TEKT1: variants seen among roughly 807,000 people sequenced by gnomAD.
The protein encoded by TEKT1 is tektin-1.
Under a neutral mutation model 34.8 loss-of-function variants are expected in TEKT1, and 32 were observed. The ratio of observed to expected loss-of-function variants is 0.92; its 90% CI spans 0.69 to 1.23. The LOEUF (loss-of-function observed/expected upper bound fraction) is 1.23, where lower values mean the gene tolerates loss of function less well. TEKT1 is among the 50% of genes most tolerant of loss of function. The pLI is 0.00. For missense variants in TEKT1, 492 were observed against 518.5 expected (o/e 0.95, Z 0.50); for synonymous variants, 207 against 199.8 (o/e 1.04, Z -0.30).
chr17:6,805,217 A>T (rs1976827250), intron 6 of TEKT1, among the ~76,000 whole-genome samples: 1 of 152,134 alleles, frequency 6.6e-6, no homozygotes, highest in African/African-American at 2.4e-5. Context: ...CGAGGAGTTT[A>T]TCCATGTCTT....
intron 2 of TEKT1, 70 bp from the exon 3 acceptor site, chr17:6,819,428 T>TG: frequency 6.7e-7 from 1 of 1,486,172 alleles, no homozygotes; most frequent in South Asian, 1.4e-5. Context: ...ATTAGAAACT[T>TG]GAAGACTGTT....
chr17:6,812,681 A>G (rs1389758083), intron 6 of TEKT1, 150 bp downstream of exon 6: 1 of 733,562 alleles, frequency 1.4e-6, no homozygotes, highest in Admixed American at 2.9e-5. Context: ...CCTGCTGCTA[A>G]GCTTGAGAGA....
Position 6,813,066 on chromosome 17 carries a change from T to C in TEKT1, c.630-13A>G, listed in dbSNP as rs8081510. ...CAGACTCACGGAGCTGAAACAGACC[T>C]CACGCTTTCATTCACAGCATATTTG... On this transcript the variant is annotated splice_polypyrimidine_tract_variant and intron_variant, in intron 5 of 7. Coordinates refer to ENST00000338694, the MANE Select transcript of TEKT1 (RefSeq NM_053285.2). 0.58 allele frequency: 925,971 copies of C among 1,606,272 alleles called. 268,422 individuals are homozygous for C. The highest frequency in any genetic ancestry group is 0.69 in the African/African-American group (51,533 of 74,860).
At chr17:6,819,049 G>T in intron 3 of TEKT1, 144 bp downstream of exon 3, 2 of 969,280 alleles carry the variant, frequency 2.1e-6, no homozygotes, top group Non-Finnish European at 1.5e-6. Context: ...CCAGCACCAG[G>T]GGCATGCTGG....
At position 6,800,952 on chromosome 17, in the gene TEKT1, A is replaced by G. The variant is rs907429109; in HGVS notation, c.853-9T>C. On this transcript the variant is annotated splice_polypyrimidine_tract_variant and intron_variant, in intron 6 of 7. Coordinates refer to ENST00000338694, the MANE Select transcript of TEKT1 (RefSeq NM_053285.2). ...GCAATCTCTTCCATGACCTTACAAA[A>G]AGGATTAGAGTAGGTGAGGCCAAGC... The G allele has an allele frequency of 6.2e-7, 1 of 1,610,144 alleles. No homozygotes were observed. The highest frequency in any genetic ancestry group is 8.5e-7 in the Non-Finnish European group (1 of 1,177,890).
intron 6 of TEKT1, among the ~76,000 whole-genome samples, chr17:6,802,419 T>G (rs1441037409): frequency 6.6e-6 from 1 of 151,728 alleles, no homozygotes; most frequent in African/African-American, 2.4e-5. Context: ...TTAAAATATT[T>G]GAATTATCTT....
intron 5 of TEKT1, chr17:6,814,896 T>G (rs1220444157): frequency 2.8e-6 from 1 of 359,042 alleles, no homozygotes; most frequent in Non-Finnish European, 5.0e-6. Flanking sequence ...ATTATTTTAC[T>G]TGTTAAAAAC....
chr17:6,823,426 CTGTG>C (rs1423360027), intron 2 of TEKT1, among the ~76,000 whole-genome samples: 2 of 152,052 alleles, frequency 1.3e-5, no homozygotes, highest in South Asian at 2.1e-4. Flanking sequence ...CTCTAACTCT[CTGTG>C]TGTGTGTATG....
intron 2 of TEKT1, among the ~76,000 whole-genome samples, chr17:6,821,419 A>C (rs1977088881): frequency 6.6e-6 from 1 of 152,124 alleles, no homozygotes. Context: ...GTTTTCTCTT[A>C]GCCTTCCACC....
At position 6,815,930 on chromosome 17, in the gene TEKT1, T is replaced by G; in HGVS notation, c.389A>C (p.Asp130Ala). 1 of 1,614,116 alleles carries G rather than the reference T, an allele frequency of 6.2e-7. No homozygotes were observed. The highest frequency in any genetic ancestry group is 8.5e-7 in the Non-Finnish European group (1 of 1,180,016). Reference sequence around the variant, plus strand: ...CTTTATCAGCTCATGCTCCACTGTGTCGTGCACCAGGTCAATGCCAATGCG... The same window carrying G: ...CTTTATCAGCTCATGCTCCACTGTGGCGTGCACCAGGTCAATGCCAATGCG... ...EKRIGIDLVH[D>A]TVEHELIKEA... is the part of the protein sequence containing the mutation. Residue 130 changes from aspartate to alanine, a missense_variant, in exon 4 of 8, where the codon GAC (aspartate) becomes GCC (alanine). Physicochemically the swap from Asp to Ala is moderately radical, Grantham distance 126. Transcript: ENST00000338694.
At chr17:6,810,537 C>A (rs1033838706) in intron 6 of TEKT1, among the ~76,000 whole-genome samples, 8 of 152,120 alleles carry the variant, frequency 5.3e-5, no homozygotes, top group Admixed American at 5.2e-4. Context: ...ATAAATAAAG[C>A]TGTATTGAAA....
At chr17:6,803,852 G>A (rs1416077011) in intron 6 of TEKT1, among the ~76,000 whole-genome samples, 1 of 152,124 alleles carries the variant, frequency 6.6e-6, no homozygotes, top group African/African-American at 2.4e-5. Context: ...ATGCTGTTTT[G>A]GTTACTGGAG....
chr17:6,798,172 T>C lies in TEKT1; in HGVS notation c.*1855A>G, dbSNP rs1976719402. The C allele has an allele frequency of 6.6e-6, 1 of 152,192 alleles. No individual in the cohort carries two copies. The highest frequency in any genetic ancestry group is 1.5e-5 in the Non-Finnish European group (1 of 68,042). 9.4% of individuals were successfully genotyped at this position (152,192 alleles called of 1,614,324 possible). ...GCCAATCTAGGCTTTATTAGTCTTA[T>C]TTACAGATTAGGCAACTGAAGCTCG... On this transcript the variant is annotated 3_prime_UTR_variant, in exon 8 of 8. Transcript: ENST00000338694.
In TEKT1 at chr17:6,808,489, G is replaced by A. The variant is rs150130288; in HGVS notation, c.852+4342C>T. Reference sequence around the variant, plus strand: ...ACCCACTGTCCTGCACCCACTTTCCGACACTCCCCAGTGAGATGAACCTGG... The same window carrying A: ...ACCCACTGTCCTGCACCCACTTTCCAACACTCCCCAGTGAGATGAACCTGG... On this transcript the variant is annotated intron_variant, in intron 6 of 7. Transcript: ENST00000338694. 7.8e-3 allele frequency among the ~76,000 whole-genome samples: 1,190 copies of A among 152,184 alleles called. 22 individuals are homozygous for A. Among genetic ancestry groups the A allele is most frequent in the African/African-American group, 0.028 (1,148 of 41,498 alleles).
At chr17:6,810,038 GT>G (rs1047585596) in intron 6 of TEKT1, among the ~76,000 whole-genome samples, 1 of 152,208 alleles carries the variant, frequency 6.6e-6, no homozygotes, top group Non-Finnish European at 1.5e-5. Flanking sequence ...AAGAGTATAT[GT>G]TTAGCCTTGT....
chr17:6,826,785 T>C (rs1260399300), intron 2 of TEKT1, among the ~76,000 whole-genome samples: 4 of 151,520 alleles, frequency 2.6e-5, no homozygotes, highest in Admixed American at 1.3e-4. Flanking sequence ...AAGTTCCGCC[T>C]CCTGAGTTCA....
chr17:6,808,172 A>C lies in TEKT1; in HGVS notation c.852+4659T>G, dbSNP rs7213141. Among the ~76,000 whole-genome samples, 4 of 152,100 alleles carry C rather than the reference A, an allele frequency of 2.6e-5. No homozygotes were observed. In the South Asian group the frequency reaches 8.3e-4, roughly 32 times the overall value. On this transcript the variant is annotated intron_variant, in intron 6 of 7. Transcript: ENST00000338694. Reference sequence around the variant, plus strand: ...TACTCAAGCCTCAGCAATGACAGGCACCTCTCCGCCAGCCTGGCTGCCACC... The same window carrying C: ...TACTCAAGCCTCAGCAATGACAGGCCCCTCTCCGCCAGCCTGGCTGCCACC...
chr17:6,814,722 C>A (rs942416732), intron 5 of TEKT1, among the ~76,000 whole-genome samples: 1 of 151,838 alleles, frequency 6.6e-6, no homozygotes, highest in Non-Finnish European at 1.5e-5. Context: ...CCTGTAGTCC[C>A]AGCTACTTGG....
At chr17:6,800,305 C>A in intron 7 of TEKT1, 71 bp from the exon 8 acceptor site, 10 of 1,448,256 alleles carry the variant, frequency 6.9e-6, no homozygotes, top group South Asian at 2.6e-5. Flanking sequence ...AAAGAATGTT[C>A]CCCAGTGTTC....
Sources: allele counts gnomAD v4.1 joint callset (sites outside exome capture counted in the v4.1 genomes callset), GRCh38; gene constraint gnomAD v4.1.1; transcripts MANE v1.5; gene names NCBI Gene and HGNC (gene_info 2026-07-23, HGNC 2026-07-21).